SYTL2: variants seen among roughly 807,000 people sequenced by gnomAD.
The protein encoded by SYTL2 is synaptotagmin like 2, also known as synaptotagmin-like protein 2.
Under a neutral mutation model 198.7 loss-of-function variants are expected in SYTL2, and 165 were observed. That is an observed-to-expected ratio of 0.83 (90% CI 0.73 to 0.94). SYTL2 has a LOEUF of 0.94. SYTL2 is among the 40% of genes least tolerant of loss of function. SYTL2 has a pLI of 0.00. For missense variants in SYTL2, 2,835 were observed against 2,582.8 expected, an observed-to-expected ratio of 1.10 and a Z score of -2.12; for synonymous variants, 966 against 917.7, an observed-to-expected ratio of 1.05 and a Z score of -0.95.
intron 1 of SYTL2, among the ~76,000 whole-genome samples, chr11:85,778,861 C>G (rs1309573617): frequency 3.9e-5 from 6 of 151,958 alleles, no homozygotes; most frequent in South Asian, 2.1e-4. Flanking sequence ...CCAAGTAGTC[C>G]CAGCTACTTG....
chr11:85,832,725 C>T, the SYTL2 span, among the ~76,000 whole-genome samples: 11 of 151,530 alleles, frequency 7.3e-5, no homozygotes, highest in African/African-American at 2.7e-4. Context: ...GTTTAGTGGT[C>T]CATGCTTCTA....
intron 1 of SYTL2, among the ~76,000 whole-genome samples, chr11:85,775,007 T>C (rs1206190189): frequency 6.6e-6 from 1 of 151,626 alleles, no homozygotes. Context: ...TTTTTTCTCA[T>C]GGACATAAAA....
At chr11:85,735,828 A>C (rs2090290220) in intron 6 of SYTL2, among the ~76,000 whole-genome samples, 1 of 152,082 alleles carries the variant, frequency 6.6e-6, no homozygotes, top group Non-Finnish European at 1.5e-5. Flanking sequence ...AAAATATTTT[A>C]TGTAATCTAA....
In SYTL2 at chr11:85,695,232, G is replaced by A. The variant is rs1008644427; in HGVS notation, c.6683C>T (p.Pro2228Leu). 1.9e-6 allele frequency: 3 copies of A among 1,612,556 alleles called. No individual in the cohort carries two copies. The highest frequency in any genetic ancestry group is 3.3e-5 in the Admixed American group (2 of 59,848). ...CTTGGCAATCAAAAGCATTCTGAGA[G>A]GCAGTGTTGCTTCAATCCAAGTATT... ...SPNTWIEATL[P>L]LRMLLIAKIS... is the part of the protein sequence containing the mutation. The change falls in exon 20 of 20, where the codon CCT (proline) becomes CTT (leucine). Residue 2228 changes from proline (P) to leucine (L), a missense_variant. This residue lies in a region of SYTL2 where 185 missense variants were observed against 182.1 expected (regional missense o/e 1.02). Transcript: ENST00000359152.
intron 6 of SYTL2, 77 bp downstream of exon 6, chr11:85,736,424 A>C (rs1199323241): frequency 2.7e-6 from 2 of 741,008 alleles, no homozygotes; most frequent in African/African-American, 3.7e-5. Context: ...TTATTTGAGC[A>C]AAAGGAACTC....
At chr11:85,806,186 A>G (rs1378467611) in intron 1 of SYTL2, among the ~76,000 whole-genome samples, 3 of 152,228 alleles carry the variant, frequency 2.0e-5, no homozygotes, top group Non-Finnish European at 4.4e-5. Flanking sequence ...TACAGAAATA[A>G]ACCACAAAGT....
At chr11:85,736,137 T>C (rs2090321911) in intron 6 of SYTL2, among the ~76,000 whole-genome samples, 2 of 152,218 alleles carry the variant, frequency 1.3e-5, no homozygotes, top group Non-Finnish European at 2.9e-5. Flanking sequence ...TTTTTCTTCT[T>C]GAGGCAAGCC....
At chr11:85,826,580 T>G in the SYTL2 span, among the ~76,000 whole-genome samples, 2 of 152,172 alleles carry the variant, frequency 1.3e-5, no homozygotes, top group Non-Finnish European at 2.9e-5. Flanking sequence ...GCTGTGCTGG[T>G]CTAGGGAGCC....
chr11:85,808,216 G>A (rs2092985592), intron 1 of SYTL2, among the ~76,000 whole-genome samples: 1 of 151,998 alleles, frequency 6.6e-6, no homozygotes, highest in Admixed American at 6.6e-5. Context: ...ACAGGCGCAT[G>A]CCACCACGCG....
At chr11:85,844,974 C>A in the SYTL2 span, among the ~76,000 whole-genome samples, 1 of 152,172 alleles carries the variant, frequency 6.6e-6, no homozygotes, top group African/African-American at 2.4e-5. Flanking sequence ...TCTTCTGCTC[C>A]ATTAGAAACT....
At chr11:85,778,841 G>A (rs2092506292) in intron 1 of SYTL2, among the ~76,000 whole-genome samples, 1 of 152,154 alleles carries the variant, frequency 6.6e-6, no homozygotes, top group Admixed American at 6.5e-5. Flanking sequence ...GCTAGGTGTA[G>A]TGGTGCATGC....
chr11:85,724,376 A>G lies in SYTL2; in HGVS notation c.4982T>C (p.Ile1661Thr). 1 of 1,591,974 alleles carries G rather than the reference A, an allele frequency of 6.3e-7. No individual in the cohort carries two copies. Among genetic ancestry groups the G allele is most frequent in the South Asian group, 1.2e-5 (1 of 86,096 alleles). The change falls in exon 8 of 20, where the codon ATC becomes ACC. Residue 1661 changes from isoleucine to threonine, a missense_variant. Ile to Thr is a moderately conservative substitution (Grantham distance 89). Coordinates refer to ENST00000359152, the MANE Select transcript of SYTL2 (RefSeq NM_206927.4). ...CACATAAAGTTGTGGGGTTCTAGGG[A>G]TCTCAACTCCACTTCTGGAACCACA... ...DFCGSRSGVEIPRTPQLYVAH... is the reference protein window; with the variant it reads ...DFCGSRSGVETPRTPQLYVAH...
At chr11:85,748,117 C>T (rs2091282210) in intron 3 of SYTL2, among the ~76,000 whole-genome samples, 155 bp downstream of exon 3, 1 of 152,272 alleles carries the variant, frequency 6.6e-6, no homozygotes, top group Non-Finnish European at 1.5e-5. Context: ...CCATCCAAAT[C>T]CAAGGCAAGG....
In SYTL2 at chr11:85,730,474, C is replaced by G. The variant is rs541152265; in HGVS notation, c.1391-2507G>C. ...CAATAAACGTAATCCATCACGTAAA[C>G]AGAACCAATGACAAAAACCACATGA... On this transcript the variant is annotated intron_variant, in intron 7 of 19. Coordinates refer to ENST00000359152, the MANE Select transcript of SYTL2 (RefSeq NM_206927.4). 1.9e-4 allele frequency among the ~76,000 whole-genome samples: 29 copies of G among 152,298 alleles called. 1 individual carries two copies. The South Asian group carries it at 5.8e-3, about 30-fold the overall frequency.
At position 85,724,743 on chromosome 11, in the gene SYTL2, T is replaced by G. The variant is rs2088881922; in HGVS notation, c.4615A>C (p.Thr1539Pro). ...IGSTEEPRRA[T>P]SECHPEELKE... is the part of the protein sequence containing the mutation. ...AATTCCTCAGGATGGCATTCAGAAGTGGCTCGCCTGGGCTCCTCTGTACTA... is the reference window on the plus strand; with the variant it reads ...AATTCCTCAGGATGGCATTCAGAAGGGGCTCGCCTGGGCTCCTCTGTACTA... Residue 1539 changes from threonine to proline, a missense_variant, in exon 8 of 20, where the codon ACT (threonine) becomes CCT (proline). Physicochemically the swap from Thr to Pro is conservative, Grantham distance 38 (BLOSUM62 -1). Coordinates refer to ENST00000359152, the MANE Select transcript of SYTL2 (RefSeq NM_206927.4). 1 of 1,613,614 alleles carries G rather than the reference T, an allele frequency of 6.2e-7. No homozygotes were observed. The highest frequency in any genetic ancestry group is 1.7e-4 in the Middle Eastern group (1 of 6,056).
In SYTL2 at chr11:85,696,243, A is replaced by G. The variant is rs766640546; in HGVS notation, c.6514T>C (p.Trp2172Arg). 6.2e-7 allele frequency: 1 copy of G among 1,613,904 alleles called. No homozygotes were observed. The highest frequency in any genetic ancestry group is 1.1e-5 in the South Asian group (1 of 91,072). Residue 2172 changes from tryptophan to arginine, a missense_variant, in exon 19 of 20, where the codon TGG becomes CGG. Trp to Arg is a moderately radical substitution (Grantham distance 101, BLOSUM62 -3). Coordinates refer to ENST00000359152, the MANE Select transcript of SYTL2 (RefSeq NM_206927.4). The part of the protein sequence containing the change: ...LMEACVELTV[W>R]DHYKLTNQFL... ...TGGTTGGTTAATTTGTAATGGTCCC[A>G]GACAGTAAGCTCTACACAGGCTTCC... is the stretch of plus-strand genomic sequence containing the variant.
chr11:85,833,530 G>A, the SYTL2 span, among the ~76,000 whole-genome samples: 1 of 151,308 alleles, frequency 6.6e-6, no homozygotes, highest in Non-Finnish European at 1.5e-5. Flanking sequence ...TTTGGACACT[G>A]GGGAGAAGTG....
At chr11:85,703,468 TG>T (rs1419198163) in intron 16 of SYTL2, among the ~76,000 whole-genome samples, 1 of 152,120 alleles carries the variant, frequency 6.6e-6, no homozygotes, top group Non-Finnish European at 1.5e-5. Context: ...CCAAATACTA[TG>T]AAATGACATC....
chr11:85,787,840 G>C (rs1442744805), intron 1 of SYTL2, among the ~76,000 whole-genome samples: 1 of 151,684 alleles, frequency 6.6e-6, no homozygotes, highest in Non-Finnish European at 1.5e-5. Context: ...GAAGGAGAAG[G>C]GGCCTCTGTT....
Sources: gnomAD v4.1 joint callset for allele counts (sites outside exome capture counted in the v4.1 genomes callset) on GRCh38, gnomAD v4.1.1 for gene constraint, gnomAD v4.1.1 regional missense constraint, MANE v1.5 for transcripts, NCBI Gene and HGNC (gene_info 2026-07-23, HGNC 2026-07-21) for gene names.